Variants in CCDC30 observed in about 807,000 individuals in gnomAD.
The protein encoded by CCDC30 is coiled-coil domain containing 30.
Under a neutral mutation model 100.2 loss-of-function variants are expected in CCDC30, and 70 were observed. That is an observed-to-expected ratio of 0.70 (90% CI 0.58 to 0.85). The LOEUF is 0.85. Among genes scored for constraint, CCDC30 ranks in the 40% least tolerant of loss-of-function variants. The pLI, the probability that CCDC30 is intolerant of heterozygous loss-of-function variation, is 0.00. For missense variants in CCDC30, 652 were observed against 771.2 expected (o/e 0.85, Z 1.83); for synonymous variants, 233 against 269.5 (o/e 0.86, Z 1.33).
chr1:42,486,500 G>A (rs1569772145), intron 3 of CCDC30, among the ~76,000 whole-genome samples: 2 of 152,276 alleles, frequency 1.3e-5, no homozygotes, highest in Admixed American at 1.3e-4. Flanking sequence ...GAAAGTGTGT[G>A]TGTGACCAGC....
chr1:42,615,332 C>T (rs1463453006), intron 11 of CCDC30, among the ~76,000 whole-genome samples: 1 of 152,170 alleles, frequency 6.6e-6, no homozygotes, highest in East Asian at 1.9e-4. Context: ...ATCTCACTCT[C>T]TTGCCCAGAC....
intron 13 of CCDC30, among the ~76,000 whole-genome samples, 171 bp downstream of exon 17, chr1:42,642,780 A>G (rs1647567854): frequency 6.6e-6 from 1 of 152,238 alleles, no homozygotes; most frequent in African/African-American, 2.4e-5. Flanking sequence ...TGTTAAATTA[A>G]AGAGAAAAAT....
chr1:42,635,741 G>A (rs1331490137), intron 11 of CCDC30, among the ~76,000 whole-genome samples: 1 of 151,188 alleles, frequency 6.6e-6, no homozygotes. Flanking sequence ...CCGGGATGCA[G>A]TGCTTGCAGT....
chr1:42,465,451 G>A (rs552799061), intron 1 of CCDC30, among the ~76,000 whole-genome samples: 8 of 152,206 alleles, frequency 5.3e-5, no homozygotes, highest in Middle Eastern at 3.4e-3. Flanking sequence ...TGCAACCTCC[G>A]CCTCCCGGGT....
At chr1:42,502,273 G>GAGCCATACGTGGGACCCTCCA (rs368510778) in intron 6 of CCDC30, among the ~76,000 whole-genome samples, 2,916 of 152,166 alleles carry the variant, frequency 0.019, 107 homozygotes, top group African/African-American at 0.066. Context: ...GGGACCCTCC[G>GAGCCATACGTGGGACCCTCCA]AGCCATGCGT....
At chr1:42,546,801 C>A (rs547100596) in intron 6 of CCDC30, among the ~76,000 whole-genome samples, 1 of 151,968 alleles carries the variant, frequency 6.6e-6, no homozygotes, top group Non-Finnish European at 1.5e-5. Flanking sequence ...TTCACAGAAA[C>A]GTGAGGCTTT....
At chr1:42,644,853 G>C in intron 14 of CCDC30, 46 bp downstream of exon 18, 1 of 1,189,154 alleles carries the variant, frequency 8.4e-7, no homozygotes, top group Non-Finnish European at 1.3e-6. Flanking sequence ...TGTGAAGTTC[G>C]GGTTGCTACG....
At position 42,545,162 on chromosome 1, in the gene CCDC30, T is replaced by TAAA. The variant is rs57060353; in HGVS notation, c.457-21110_457-21108dup. On this transcript the variant is annotated intron_variant, in intron 6 of 16. Transcript: ENST00000668663. Reference sequence around the variant, plus strand: ...CAACCCCAGAGTCCAAAAATACCTTTAAAAAAAAAAAAAAAAAAAAAAAAA... The same window carrying TAAA: ...CAACCCCAGAGTCCAAAAATACCTTTAAAAAAAAAAAAAAAAAAAAAAAAAAAA... 6.7e-3 allele frequency among the ~76,000 whole-genome samples: 435 copies of TAAA among 64,634 alleles called. 8 individuals are homozygous for TAAA. Among genetic ancestry groups the TAAA allele is most frequent in the African/African-American group, 0.02 (409 of 20,458 alleles). The allele number at this position is 64,634 out of a possible 152,430, so 42.4% of individuals were successfully genotyped here.
intron 6 of CCDC30, among the ~76,000 whole-genome samples, chr1:42,531,985 A>C (rs951332791): frequency 5.3e-5 from 8 of 152,112 alleles, no homozygotes; most frequent in African/African-American, 1.9e-4. Context: ...TTCAAATCTC[A>C]ACCTAACTAC....
At chr1:42,618,528 G>A (rs1299325055) in intron 11 of CCDC30, among the ~76,000 whole-genome samples, 1 of 152,130 alleles carries the variant, frequency 6.6e-6, no homozygotes, top group Admixed American at 6.5e-5. Context: ...GAGCCATCAT[G>A]CCTGGCTGAA....
At chr1:42,525,501 T>G (rs1644710402) in intron 6 of CCDC30, among the ~76,000 whole-genome samples, 1 of 152,310 alleles carries the variant, frequency 6.6e-6, no homozygotes, top group South Asian at 2.1e-4. Context: ...TCTTTTATCT[T>G]TTATTCATTA....
intron 7 of CCDC30, among the ~76,000 whole-genome samples, chr1:42,572,237 G>A (rs1266662772): frequency 6.6e-6 from 1 of 152,134 alleles, no homozygotes; most frequent in East Asian, 1.9e-4. Flanking sequence ...AGTTCCTTGT[G>A]GTTTTAGTGT....
chr1:42,533,128 T>C (rs1644833307), intron 6 of CCDC30, among the ~76,000 whole-genome samples: 1 of 152,228 alleles, frequency 6.6e-6, no homozygotes, highest in Non-Finnish European at 1.5e-5. Context: ...GACTGTATAA[T>C]TTAAACTAGA....
At chr1:42,623,686 T>C (rs1410724295) in intron 11 of CCDC30, among the ~76,000 whole-genome samples, 1 of 152,232 alleles carries the variant, frequency 6.6e-6, no homozygotes, top group Admixed American at 6.5e-5. Flanking sequence ...AGTTTTGTTC[T>C]TTATGCTTAG....
intron 4 of CCDC30, chr1:42,491,792 A>T: frequency 3.1e-6 from 1 of 317,840 alleles, no homozygotes; most frequent in Non-Finnish European, 6.1e-6. Context: ...AGGGAGCCGA[A>T]AATAGAGTGG....
intron 6 of CCDC30, among the ~76,000 whole-genome samples, chr1:42,516,788 T>G (rs550288022): frequency 5.5e-4 from 84 of 152,210 alleles, no homozygotes; most frequent in African/African-American, 1.9e-3. Flanking sequence ...ATTATCCAGC[T>G]CAGGTATTGT....
At chr1:42,485,518 G>A (rs1055806049) in intron 3 of CCDC30, among the ~76,000 whole-genome samples, 2 of 152,144 alleles carry the variant, frequency 1.3e-5, no homozygotes, top group Admixed American at 1.3e-4. Context: ...AAAGGGCTGG[G>A]CGTGGTGACA....
chr1:42,620,993 C>T (rs1040226702), intron 11 of CCDC30, among the ~76,000 whole-genome samples: 2 of 152,128 alleles, frequency 1.3e-5, no homozygotes, highest in African/African-American at 2.4e-5. Flanking sequence ...TAGCCATTGT[C>T]AACCTAAAGG....
chr1:42,475,836 C>A (rs1173937742), intron 1 of CCDC30, among the ~76,000 whole-genome samples: 1 of 151,504 alleles, frequency 6.6e-6, no homozygotes, highest in African/African-American at 2.4e-5. Flanking sequence ...CAGTACCTGG[C>A]TTGTAAAGTA....
Sources: gnomAD v4.1 joint callset for allele counts (sites outside exome capture counted in the v4.1 genomes callset) on GRCh38, gnomAD v4.1.1 for gene constraint, MANE v1.5 for transcripts, NCBI Gene and HGNC (gene_info 2026-07-23, HGNC 2026-07-21) for gene names.